Variants in ERBIN observed in about 807,000 individuals in gnomAD.
The protein encoded by ERBIN is erbb2 interacting protein.
ERBIN carries 60 observed loss-of-function variants against 158.4 expected under a neutral mutation model. The observed-to-expected ratio is 0.38, with a 90% CI of 0.31 to 0.47. ERBIN has a LOEUF of 0.47. Among genes scored for constraint, ERBIN ranks in the 20% least tolerant of loss-of-function variants. ERBIN has a pLI of 0.99. For synonymous variants in ERBIN, 594 were observed against 557.2 expected, an observed-to-expected ratio of 1.07 and a Z score of -0.93; for missense variants, 1,610 against 1,648.0, an observed-to-expected ratio of 0.98 and a Z score of 0.40.
chr5:66,061,044 G>A (rs574929982), intron 21 of ERBIN, among the ~76,000 whole-genome samples: 1 of 152,328 alleles, frequency 6.6e-6, no homozygotes, highest in East Asian at 1.9e-4. Context: ...GGAGAGTTCT[G>A]TAGATGTCTG....
Position 66,018,574 on chromosome 5 carries a change from A to ATATAT in ERBIN, c.534-2744_534-2743insTTATA, listed in dbSNP as rs1554058894. Among the ~76,000 whole-genome samples, 6 of 56,244 alleles carry ATATAT rather than the reference A, an allele frequency of 1.1e-4. 2 individuals carry two copies. The highest frequency in any genetic ancestry group is 3.7e-4 in the African/African-American group (6 of 16,252). The allele number at this position is 56,244 out of a possible 152,430, so 36.9% of individuals were successfully genotyped here. A position where few individuals can be genotyped will look rare whatever the true frequency, so the allele number is the denominator to read the frequency against. Reference sequence around the variant, plus strand: ...TATATTATATAATATATATTATATTATATAATATATATTATATAATATATA... The same window carrying ATATAT: ...TATATTATATAATATATATTATATTATATATTATAATATATATTATATAATATATA... On this transcript the variant is annotated intron_variant, in intron 7 of 25. Transcript: ENST00000284037.
At chr5:65,937,781 C>T (rs1219780290) in intron 1 of ERBIN, among the ~76,000 whole-genome samples, 4 of 152,074 alleles carry the variant, frequency 2.6e-5, no homozygotes, top group Admixed American at 6.6e-5. Flanking sequence ...TGGTAGCAGG[C>T]GCCTGTAGTC....
chr5:66,053,259 A>AT lies in ERBIN; in HGVS notation c.2088-145dup, dbSNP rs1399834074. On this transcript the variant is annotated intron_variant, in intron 20 of 25. Coordinates refer to ENST00000284037, the MANE Select transcript of ERBIN (RefSeq NM_001253697.2). Reference sequence around the variant, plus strand: ...TTAACTATTAAGATAATATTTTAAAATTACATGCTTGATAATAAATGCCTT... The same window carrying AT: ...TTAACTATTAAGATAATATTTTAAAATTTACATGCTTGATAATAAATGCCTT... 16 of 441,122 alleles carry AT rather than the reference A, an allele frequency of 3.6e-5. 1 individual carries two copies. The highest frequency in any genetic ancestry group is 2.6e-4 in the African/African-American group (13 of 49,266). The allele number at this position is 441,122 out of a possible 1,614,324, so 27.3% of individuals were successfully genotyped here.
chr5:66,051,858 G>A (rs1420232514), intron 20 of ERBIN, among the ~76,000 whole-genome samples: 1 of 149,368 alleles, frequency 6.7e-6, no homozygotes, highest in Non-Finnish European at 1.5e-5. Context: ...TCACCCCACT[G>A]CATTCCAGCC....
intron 1 of ERBIN, among the ~76,000 whole-genome samples, chr5:65,987,943 C>T (rs1313942628): frequency 1.3e-5 from 2 of 152,048 alleles, no homozygotes; most frequent in African/African-American, 4.8e-5. Context: ...TATAATTGGC[C>T]ATTCGAGTTT....
intron 15 of ERBIN, among the ~76,000 whole-genome samples, chr5:66,041,305 A>T (rs573150439): frequency 6.6e-6 from 1 of 152,136 alleles, no homozygotes; most frequent in Non-Finnish European, 1.5e-5. Flanking sequence ...TATGGTTGTG[A>T]ATCATTTAGC....
intron 14 of ERBIN, among the ~76,000 whole-genome samples, chr5:66,029,055 T>C (rs186573724): frequency 9.8e-5 from 15 of 152,342 alleles, no homozygotes; most frequent in African/African-American, 3.1e-4. Context: ...CTTTGTTCAT[T>C]CATCCATTCA....
chr5:66,078,669 T>C lies in ERBIN; in HGVS notation c.*139T>C. 1.6e-6 allele frequency: 1 copy of C among 632,482 alleles called. No homozygotes were observed. Among genetic ancestry groups the C allele is most frequent in the East Asian group, 2.8e-5 (1 of 35,292 alleles). 39.2% of individuals were successfully genotyped at this position (632,482 alleles called of 1,614,324 possible). A position where few individuals can be genotyped will look rare whatever the true frequency, so the allele number is the denominator to read the frequency against. Reference sequence around the variant, plus strand: ...TCAAATTTGTACATTAATGAAATAATGGAACTTGTGGTTAGAGGGAAAGAA... The same window carrying C: ...TCAAATTTGTACATTAATGAAATAACGGAACTTGTGGTTAGAGGGAAAGAA... On this transcript the variant is annotated 3_prime_UTR_variant, in exon 26 of 26. Transcript: ENST00000284037.
rs752833381 is a variant in ERBIN at position 66,054,554 on chromosome 5, G to A, written c.3236G>A (p.Ser1079Asn). 6.2e-7 allele frequency: 1 copy of A among 1,614,148 alleles called. No homozygotes were observed. The highest frequency in any genetic ancestry group is 1.7e-5 in the Admixed American group (1 of 60,010). The change falls in exon 21 of 26, where the codon AGT becomes AAT. Residue 1079 changes from serine (S) to asparagine (N), a missense_variant. Around this residue, in one of 2 missense-constraint regions of ERBIN, gnomAD observed 1,014 missense variants for 936.1 expected, o/e 1.08. Coordinates refer to ENST00000284037, the MANE Select transcript of ERBIN (RefSeq NM_001253697.2). Reference protein sequence around the residue: ...VTRSTIQRQSSVSSTASVNLG... With the variant: ...VTRSTIQRQSNVSSTASVNLG... ...CGAAGTACAATCCAGCGACAAAGTAGTGTGTCCTCCACAGCCTCTGTAAAT... is the reference window on the plus strand; with the variant it reads ...CGAAGTACAATCCAGCGACAAAGTAATGTGTCCTCCACAGCCTCTGTAAAT...
intron 4 of ERBIN, among the ~76,000 whole-genome samples, chr5:65,996,656 TC>T (rs971708623): frequency 6.6e-6 from 1 of 152,182 alleles, no homozygotes; most frequent in Non-Finnish European, 1.5e-5. Context: ...TTTTTCTTTT[TC>T]TATGAAAAAT....
intron 1 of ERBIN, among the ~76,000 whole-genome samples, chr5:65,941,748 AT>A (rs372144335): frequency 8.0e-5 from 12 of 149,352 alleles, no homozygotes; most frequent in South Asian, 2.1e-4. Context: ...TTCTTGTAGT[AT>A]TTTTTTTTTG....
chr5:66,045,486 A>G (rs1272915089), intron 17 of ERBIN, among the ~76,000 whole-genome samples: 1 of 152,038 alleles, frequency 6.6e-6, no homozygotes, highest in African/African-American at 2.4e-5. Flanking sequence ...AATATTACAT[A>G]TAGCCTATGT....
intron 2 of ERBIN, 72 bp downstream of exon 2, chr5:65,988,754 A>C (rs1246129136): frequency 1.3e-5 from 2 of 152,084 alleles, no homozygotes; most frequent in Non-Finnish European, 2.9e-5. Flanking sequence ...CTCTAATCCC[A>C]GCACTTTGGG....
intron 4 of ERBIN, among the ~76,000 whole-genome samples, chr5:66,004,748 G>A (rs1753403797): frequency 6.6e-6 from 1 of 152,200 alleles, no homozygotes; most frequent in South Asian, 2.1e-4. Flanking sequence ...TCTTTGGAGA[G>A]TAGGTAACAC....
chr5:66,016,240 T>C (rs1283162491), intron 7 of ERBIN, among the ~76,000 whole-genome samples: 1 of 152,222 alleles, frequency 6.6e-6, no homozygotes, highest in Non-Finnish European at 1.5e-5. Context: ...CTCTCAGTGA[T>C]AGTTCCTTAG....
rs762844054 is a variant in ERBIN, at chr5:66,028,254, T to A, written c.1137-20T>A. ...TTCTCATTTTAAAGTTTAATTTTTG[T>A]TTGTATTTTTTTCCTACAGATTAAA... On this transcript the variant is annotated intron_variant, in intron 13 of 25. Transcript: ENST00000284037. The A allele has an allele frequency of 1.9e-6, 3 of 1,578,414 alleles. No homozygotes were observed. In the African/African-American group the frequency reaches 4.1e-5, roughly 21 times the overall value.
At chr5:65,987,052 C>G (rs1219525372) in intron 1 of ERBIN, among the ~76,000 whole-genome samples, 6 of 152,094 alleles carry the variant, frequency 3.9e-5, no homozygotes, top group African/African-American at 1.4e-4. Flanking sequence ...GTGGTGGTGT[C>G]AGATGTATTT....
At chr5:66,077,111 AC>A (rs1311447023) in intron 25 of ERBIN, among the ~76,000 whole-genome samples, 162 bp downstream of exon 25, 1 of 150,006 alleles carries the variant, frequency 6.7e-6, no homozygotes, top group East Asian at 2.0e-4. Context: ...AGATCGCGCC[AC>A]TGTACTCCAG....
chr5:65,993,770 G>A (rs1254641028), intron 3 of ERBIN, among the ~76,000 whole-genome samples: 3 of 151,932 alleles, frequency 2.0e-5, no homozygotes, highest in South Asian at 2.1e-4. Context: ...AATATAGGAC[G>A]CTTAAATTAG....
Sources: allele counts gnomAD v4.1 joint callset (sites outside exome capture counted in the v4.1 genomes callset), GRCh38; gene constraint gnomAD v4.1.1; regional missense constraint gnomAD v4.1.1; transcripts MANE v1.5; gene names NCBI Gene and HGNC (gene_info 2026-07-23, HGNC 2026-07-21).